Variants in SV2C observed in about 807,000 individuals in gnomAD.
SV2C encodes the protein synaptic vesicle glycoprotein 2C, also known as solute carrier family 22 member B3.
In SV2C, 49 loss-of-function variants were observed where a neutral mutation model predicts 79.7. The observed-to-expected ratio is 0.61, with a 90% CI of 0.49 to 0.78. SV2C has a LOEUF of 0.78. Ranked by LOEUF, SV2C falls within the 30% of genes least tolerant of loss-of-function variation. The probability of loss-of-function intolerance (pLI) is 0.00; values close to 1 mark genes in which losing one functional copy is unlikely to be tolerated. For missense variants in SV2C, 833 were observed against 912.9 expected, an observed-to-expected ratio of 0.91 and a Z score of 1.13; for synonymous variants, 334 against 333.2, an observed-to-expected ratio of 1.00 and a Z score of -0.03.
chr5:76,312,923 C>A lies in SV2C; in HGVS notation c.2000+11378C>A, dbSNP rs79699461. Among the ~76,000 whole-genome samples the A allele has an allele frequency of 4.8e-3, 734 of 152,306 alleles. 17 individuals carry two copies. The East Asian group carries it at 0.072, about 15-fold the overall frequency. On this transcript the variant is annotated intron_variant, in intron 12 of 12. Transcript: ENST00000502798. ...ATCAAAACATTTTCCCAGAATTAAG[C>A]AACCCAAGCCCTTCCCTTAGGACTG...
the SV2C span, among the ~76,000 whole-genome samples, chr5:75,878,181 G>GA: frequency 6.6e-6 from 1 of 152,142 alleles, no homozygotes; most frequent in Non-Finnish European, 1.5e-5. Context: ...AAAGGAAGTT[G>GA]AAAATGCTAT....
At chr5:75,918,574 C>T in the SV2C span, among the ~76,000 whole-genome samples, 17,971 of 152,268 alleles carry the variant, frequency 0.12, 1,096 homozygotes, top group Middle Eastern at 0.17. Context: ...TTTTTCTACT[C>T]TATGGCCCAT....
chr5:76,190,217 A>G (rs939508210), intron 2 of SV2C, among the ~76,000 whole-genome samples: 1 of 152,234 alleles, frequency 6.6e-6, no homozygotes, highest in Non-Finnish European at 1.5e-5. Context: ...CAGGACCATC[A>G]TAACAGGTCT....
intron 1 of SV2C, among the ~76,000 whole-genome samples, chr5:76,128,819 T>C (rs1021485373): frequency 3.9e-5 from 6 of 152,188 alleles, no homozygotes; most frequent in Non-Finnish European, 7.3e-5. Context: ...AAAGAAAATA[T>C]TGATGATGCT....
chr5:75,879,222 C>T, the SV2C span, among the ~76,000 whole-genome samples: 2 of 152,298 alleles, frequency 1.3e-5, no homozygotes, highest in South Asian at 4.1e-4. Context: ...CCCAGGCCCA[C>T]CCCAAAATCT....
the SV2C span, among the ~76,000 whole-genome samples, chr5:75,900,012 CTT>C: frequency 6.6e-6 from 1 of 152,178 alleles, no homozygotes; most frequent in Non-Finnish European, 1.5e-5. Context: ...GGTCTTGACT[CTT>C]TATCCAATTT....
intron 2 of SV2C, among the ~76,000 whole-genome samples, chr5:76,139,440 G>A (rs1169092736): frequency 6.6e-6 from 1 of 152,168 alleles, no homozygotes; most frequent in East Asian, 1.9e-4. Flanking sequence ...GAAATATGCT[G>A]GCCAAAGATT....
At chr5:76,136,085 A>T (rs1471502455) in intron 2 of SV2C, among the ~76,000 whole-genome samples, 2 of 152,258 alleles carry the variant, frequency 1.3e-5, no homozygotes, top group Non-Finnish European at 2.9e-5. Context: ...TTTAGGAACT[A>T]AAATATTATC....
At chr5:76,049,019 GAAAGA>G in the SV2C span, among the ~76,000 whole-genome samples, 579 of 89,292 alleles carry the variant, frequency 6.5e-3, 20 homozygotes, top group South Asian at 0.013. Context: ...AAGAAAGAAA[GAAAGA>G]AAAAGAAAAG....
intron 4 of SV2C, among the ~76,000 whole-genome samples, chr5:76,275,379 C>T (rs1454612753): frequency 2.7e-5 from 4 of 150,682 alleles, no homozygotes; most frequent in Non-Finnish European, 5.9e-5. Context: ...CCCAACTACT[C>T]GGGAGGCTGA....
At chr5:76,258,323 G>A (rs1399924193) in intron 4 of SV2C, among the ~76,000 whole-genome samples, 1 of 152,046 alleles carries the variant, frequency 6.6e-6, no homozygotes. Flanking sequence ...ACATGGGCAG[G>A]GGGCAACTGC....
At chr5:75,916,778 A>C in the SV2C span, among the ~76,000 whole-genome samples, 1 of 151,364 alleles carries the variant, frequency 6.6e-6, no homozygotes, top group Non-Finnish European at 1.5e-5. Context: ...CCCAGTCCTC[A>C]TCATCTTCTT....
the SV2C span, among the ~76,000 whole-genome samples, chr5:76,020,530 T>A: frequency 6.6e-6 from 1 of 152,160 alleles, no homozygotes; most frequent in Non-Finnish European, 1.5e-5. Context: ...GGGTAGCTCA[T>A]CACCTGGAAA....
At chr5:76,313,994 A>G (rs1490521566) in intron 12 of SV2C, among the ~76,000 whole-genome samples, 1 of 152,212 alleles carries the variant, frequency 6.6e-6, no homozygotes, top group Non-Finnish European at 1.5e-5. Flanking sequence ...GAGACAATTT[A>G]TCTATCAATC....
chr5:75,942,916 A>G, the SV2C span, among the ~76,000 whole-genome samples: 1 of 152,118 alleles, frequency 6.6e-6, no homozygotes, highest in Non-Finnish European at 1.5e-5. Flanking sequence ...TGTAATCCCA[A>G]CTACTAGGGA....
chr5:75,959,345 G>A, the SV2C span, among the ~76,000 whole-genome samples: 3 of 151,946 alleles, frequency 2.0e-5, no homozygotes, highest in African/African-American at 4.8e-5. Flanking sequence ...TTTCTTCTAA[G>A]AACATTTCAG....
chr5:76,012,856 T>C, the SV2C span, among the ~76,000 whole-genome samples: 72 of 152,340 alleles, frequency 4.7e-4, no homozygotes, highest in African/African-American at 1.7e-3. Context: ...ATTTATTAAA[T>C]AGGGAATCAT....
chr5:75,961,985 T>C, the SV2C span, among the ~76,000 whole-genome samples: 1 of 152,070 alleles, frequency 6.6e-6, no homozygotes, highest in Non-Finnish European at 1.5e-5. Context: ...CTGAGTGACA[T>C]TCAGATCCTC....
the SV2C span, among the ~76,000 whole-genome samples, chr5:76,003,166 A>G: frequency 6.6e-6 from 1 of 152,100 alleles, no homozygotes; most frequent in Non-Finnish European, 1.5e-5. Flanking sequence ...CCATTATTGT[A>G]GGTTTTCTGA....
Sources: gnomAD v4.1 joint callset for allele counts (sites outside exome capture counted in the v4.1 genomes callset) on GRCh38, gnomAD v4.1.1 for gene constraint, MANE v1.5 for transcripts, NCBI Gene and HGNC (gene_info 2026-07-23, HGNC 2026-07-21) for gene names.